PRTG: variants seen among roughly 807,000 people sequenced by gnomAD.
PRTG encodes the protein immunoglobulin superfamily, DCC subclass, member 5.
A neutral mutation model predicts 122.5 loss-of-function variants in PRTG; 67 were observed. The ratio of observed to expected loss-of-function variants is 0.55; its 90% confidence interval spans 0.45 to 0.67. The LOEUF is 0.67. Among genes scored for constraint, PRTG ranks in the 30% least tolerant of loss-of-function variants. The pLI is 0.00. For synonymous variants in PRTG, 554 were observed against 501.1 expected, an observed-to-expected ratio of 1.11 and a Z score of -1.41; for missense variants, 1,435 against 1,415.4, an observed-to-expected ratio of 1.01 and a Z score of -0.22.
At chr15:55,735,501 T>C (rs2031380927) in intron 2 of PRTG, among the ~76,000 whole-genome samples, 1 of 151,984 alleles carries the variant, frequency 6.6e-6, no homozygotes. Context: ...GCTGTTAAAT[T>C]TGGGAGCAAT....
intron 11 of PRTG, among the ~76,000 whole-genome samples, chr15:55,648,479 C>T (rs182694087): frequency 6.6e-6 from 1 of 152,260 alleles, no homozygotes; most frequent in East Asian, 1.9e-4. Context: ...TTTCTAAACA[C>T]CACACAACAA....
At chr15:55,731,370 T>C (rs1373837229) in intron 2 of PRTG, among the ~76,000 whole-genome samples, 2 of 146,910 alleles carry the variant, frequency 1.4e-5, no homozygotes, top group African/African-American at 5.1e-5. Flanking sequence ...ATCATTCTTT[T>C]TTTTTTTTTT....
At chr15:55,654,533 A>G (rs1027125428) in intron 11 of PRTG, among the ~76,000 whole-genome samples, 1 of 152,212 alleles carries the variant, frequency 6.6e-6, no homozygotes, top group Non-Finnish European at 1.5e-5. Context: ...ACATCAGAAA[A>G]CGAAATAAAT....
In PRTG at chr15:55,737,784, GCA is replaced by G. The variant is rs200145791; in HGVS notation, c.397+2596_397+2597del. 3.5e-3 allele frequency among the ~76,000 whole-genome samples: 536 copies of G among 151,832 alleles called. 5 individuals are homozygous for G. Among genetic ancestry groups the G allele is most frequent in the African/African-American group, 7.8e-3 (323 of 41,392 alleles). ...CCTGTGTGTTAAAAATCTAAAACTTGCACAGATTGAAGTTTTAGATTTCCAGG... is the reference window on the plus strand; with the variant it reads ...CCTGTGTGTTAAAAATCTAAAACTTGCAGATTGAAGTTTTAGATTTCCAGG... On this transcript the variant is annotated intron_variant, in intron 2 of 19. Transcript: ENST00000389286.
At chr15:55,731,648 C>T (rs1487831285) in intron 2 of PRTG, among the ~76,000 whole-genome samples, 1 of 152,102 alleles carries the variant, frequency 6.6e-6, no homozygotes, top group African/African-American at 2.4e-5. Context: ...GGATTACAGG[C>T]GTGAGCCACC....
At chr15:55,717,071 T>C (rs1385701376) in intron 2 of PRTG, among the ~76,000 whole-genome samples, 1 of 152,200 alleles carries the variant, frequency 6.6e-6, no homozygotes, top group Non-Finnish European at 1.5e-5. Context: ...CATAGCTGAC[T>C]AATAGAAACT....
intron 11 of PRTG, chr15:55,656,216 A>G: frequency 2.8e-6 from 1 of 356,100 alleles, no homozygotes; most frequent in Non-Finnish European, 5.5e-6. Context: ...CCAGGATTAC[A>G]CGCTCCACAT....
chr15:55,671,202 C>T lies in PRTG; in HGVS notation c.2041+1243G>A, dbSNP rs1022350568. Among the ~76,000 whole-genome samples, 27 of 152,302 alleles carry T rather than the reference C, an allele frequency of 1.8e-4. 4 individuals carry two copies. Among genetic ancestry groups the T allele is most frequent in the African/African-American group, 6.5e-4 (27 of 41,572 alleles). On this transcript the variant is annotated intron_variant, in intron 11 of 19. Transcript: ENST00000389286. Reference sequence around the variant, plus strand: ...AATGCTGCTCACACAGCCTGTGCTACCATGAGTCCAGGGAAGGACACAGAG... The same window carrying T: ...AATGCTGCTCACACAGCCTGTGCTATCATGAGTCCAGGGAAGGACACAGAG...
intron 11 of PRTG, among the ~76,000 whole-genome samples, chr15:55,651,365 A>C (rs1403134853): frequency 2.0e-5 from 3 of 152,226 alleles, no homozygotes; most frequent in Admixed American, 1.3e-4. Flanking sequence ...AATTAATTTT[A>C]CTTTAAGGAG....
At chr15:55,665,168 G>A (rs935215760) in intron 11 of PRTG, among the ~76,000 whole-genome samples, 5 of 152,086 alleles carry the variant, frequency 3.3e-5, no homozygotes, top group Non-Finnish European at 5.9e-5. Context: ...GCCGAGGGAG[G>A]AGAATGGTGT....
chr15:55,632,084 T>A (rs1401675615), intron 15 of PRTG, among the ~76,000 whole-genome samples: 1 of 152,188 alleles, frequency 6.6e-6, no homozygotes, highest in Non-Finnish European at 1.5e-5. Flanking sequence ...ACATCACCTA[T>A]ACATTGATAA....
intron 2 of PRTG, among the ~76,000 whole-genome samples, chr15:55,730,091 T>A (rs1267925397): frequency 3.9e-5 from 6 of 152,224 alleles, no homozygotes; most frequent in African/African-American, 1.4e-4. Context: ...AAGGAATGTC[T>A]TTAATTTCAG....
chr15:55,622,345 G>A (rs1472352980), intron 18 of PRTG, among the ~76,000 whole-genome samples: 1 of 149,788 alleles, frequency 6.7e-6, no homozygotes, highest in Non-Finnish European at 1.5e-5. Context: ...AGCCTCCCGA[G>A]TAGCTGGGAT....
chr15:55,659,469 C>T (rs919811453), intron 11 of PRTG, among the ~76,000 whole-genome samples: 10 of 152,136 alleles, frequency 6.6e-5, no homozygotes, highest in Non-Finnish European at 1.0e-4. Context: ...GGAAAACCTA[C>T]CCAGACCCCC....
intron 2 of PRTG, among the ~76,000 whole-genome samples, chr15:55,733,856 C>A (rs1427261921): frequency 6.6e-6 from 1 of 152,100 alleles, no homozygotes. Context: ...ACAACAACAA[C>A]AAAAACAGCA....
intron 13 of PRTG, 82 bp downstream of exon 13, chr15:55,639,560 C>T: frequency 7.8e-7 from 1 of 1,278,600 alleles, no homozygotes; most frequent in Admixed American, 2.0e-5. Context: ...CCGAGCTGGG[C>T]CCAAGATGGT....
intron 2 of PRTG, among the ~76,000 whole-genome samples, chr15:55,733,924 A>C (rs2031324019): frequency 6.6e-6 from 1 of 152,230 alleles, no homozygotes. Context: ...TAGAATATCA[A>C]GGATAAGATA....
At chr15:55,738,663 T>C (rs2031511431) in intron 2 of PRTG, 2 of 478,266 alleles carry the variant, frequency 4.2e-6, no homozygotes. Context: ...AACAGTACTA[T>C]ACAGAAAAAC....
chr15:55,643,087 T>A (rs188306308), intron 11 of PRTG, among the ~76,000 whole-genome samples: 39 of 152,070 alleles, frequency 2.6e-4, no homozygotes, highest in Non-Finnish European at 4.1e-4. Flanking sequence ...ATAAACTAAC[T>A]AAATAAAATT....
Sources: gnomAD v4.1 joint callset for allele counts (sites outside exome capture counted in the v4.1 genomes callset) on GRCh38, gnomAD v4.1.1 for gene constraint, MANE v1.5 for transcripts, NCBI Gene and HGNC (gene_info 2026-07-23, HGNC 2026-07-21) for gene names.